RBFOX1: variants seen among roughly 807,000 people sequenced by gnomAD.
RBFOX1 encodes the protein RNA binding fox-1 homolog 1, also known as RNA binding protein fox-1 homolog 1.
Under a neutral mutation model 57.7 loss-of-function variants are expected in RBFOX1, and 8 were observed. The ratio of observed to expected loss-of-function variants is 0.14; its 90% CI spans 0.08 to 0.25. RBFOX1 has a LOEUF of 0.25. Among genes scored for constraint, RBFOX1 ranks in the 10% least tolerant of loss-of-function variants. RBFOX1 has a pLI of 1.00. For missense variants in RBFOX1, 611 were observed against 548.5 expected (o/e 1.11, Z -1.14); for synonymous variants, 326 against 222.4 (o/e 1.47, Z -4.15).
At chr16:5,424,123 A>G (rs1261565074) in intron 1 of RBFOX1, among the ~76,000 whole-genome samples, 1 of 152,218 alleles carries the variant, frequency 6.6e-6, no homozygotes, top group Non-Finnish European at 1.5e-5. Context: ...CTATTCAATC[A>G]GTAATCCCTC....
intron 2 of RBFOX1, among the ~76,000 whole-genome samples, chr16:6,365,624 G>A (rs1447504448): frequency 1.3e-5 from 2 of 152,202 alleles, no homozygotes; most frequent in African/African-American, 2.4e-5. Flanking sequence ...AAGACCATAA[G>A]GATGAGACCA....
chr16:5,921,845 G>A (rs866837483), intron 4 of RBFOX1, among the ~76,000 whole-genome samples: 1 of 151,910 alleles, frequency 6.6e-6, no homozygotes, highest in South Asian at 2.1e-4. Flanking sequence ...AGGGGGAGGA[G>A]CCAGGCTCTT....
At chr16:7,397,353 A>C (rs2098158613) in intron 4 of RBFOX1, among the ~76,000 whole-genome samples, 1 of 152,200 alleles carries the variant, frequency 6.6e-6, no homozygotes, top group Non-Finnish European at 1.5e-5. Context: ...AGGACCACTT[A>C]TCTGCAGACT....
At chr16:6,597,723 C>T (rs1038027481) in intron 2 of RBFOX1, among the ~76,000 whole-genome samples, 2 of 152,036 alleles carry the variant, frequency 1.3e-5, no homozygotes, top group African/African-American at 4.8e-5. Context: ...GCTGCTGAAA[C>T]ATCAGAAAGA....
intron 2 of RBFOX1, among the ~76,000 whole-genome samples, chr16:5,515,541 A>G (rs74004362): frequency 0.013 from 1,988 of 152,352 alleles, 53 homozygotes; most frequent in African/African-American, 0.046. Context: ...TTTGCAAAAC[A>G]GAGGCTGTTT....
At chr16:7,251,327 G>A (rs916227608) in intron 4 of RBFOX1, among the ~76,000 whole-genome samples, 2 of 151,556 alleles carry the variant, frequency 1.3e-5, no homozygotes, top group South Asian at 2.1e-4. Flanking sequence ...TTCATCCACA[G>A]TGTTGCAGTT....
chr16:6,403,930 G>A (rs2093177200), intron 2 of RBFOX1, among the ~76,000 whole-genome samples: 1 of 152,168 alleles, frequency 6.6e-6, no homozygotes, highest in South Asian at 2.1e-4. Context: ...AAGAGACACA[G>A]TAGGAAGGTG....
rs200423689 is a variant in RBFOX1 at position 6,735,252 on chromosome 16, G to C, written c.-16+80602G>C. On this transcript the variant is annotated intron_variant, in intron 3 of 15. Coordinates refer to ENST00000550418, the MANE Select transcript of RBFOX1 (RefSeq NM_018723.4). ...GATTTAATAGAAAGGGTATGGTTTG[G>C]GAGTTAAGTACACTTGCCTCCTACC... Among the ~76,000 whole-genome samples, 18 of 152,238 alleles carry C rather than the reference G, an allele frequency of 1.2e-4. 1 individual carries two copies. In the East Asian group the frequency reaches 3.3e-3, roughly 28 times the overall value.
At chr16:5,398,949 G>T (rs930499347) in intron 1 of RBFOX1, among the ~76,000 whole-genome samples, 2 of 152,194 alleles carry the variant, frequency 1.3e-5, no homozygotes, top group Non-Finnish European at 2.9e-5. Flanking sequence ...ATTGGTGTCT[G>T]ACTTTGCACT....
intron 4 of RBFOX1, among the ~76,000 whole-genome samples, chr16:7,066,497 G>C (rs533659703): frequency 6.6e-6 from 1 of 152,322 alleles, no homozygotes; most frequent in South Asian, 2.1e-4. Flanking sequence ...CCCCTGGTTA[G>C]TTAGAAATTT....
At chr16:5,900,606 C>G (rs1282890259) in intron 4 of RBFOX1, among the ~76,000 whole-genome samples, 1 of 152,182 alleles carries the variant, frequency 6.6e-6, no homozygotes, top group Non-Finnish European at 1.5e-5. Context: ...CATCCGTATT[C>G]TTCCCAGGCC....
intron 4 of RBFOX1, among the ~76,000 whole-genome samples, chr16:5,922,795 A>C (rs1597805458): frequency 6.6e-6 from 1 of 152,356 alleles, no homozygotes; most frequent in South Asian, 2.1e-4. Flanking sequence ...TTCAGGGGCT[A>C]ACGCTCTCCA....
rs1399931814 is a variant in RBFOX1, at chr16:6,940,174, A to AGAGT, written c.-15-111879_-15-111876dup. Among the ~76,000 whole-genome samples, 4 of 151,528 alleles carry AGAGT rather than the reference A, an allele frequency of 2.6e-5. No individual in the cohort carries two copies. The East Asian group carries it at 7.9e-4, about 30-fold the overall frequency. Reference sequence around the variant, plus strand: ...GCTGCTCCACTCCAGTCTGGGCAACAGAGTGAGACTCCATCTCAAAAATAA... The same window carrying AGAGT: ...GCTGCTCCACTCCAGTCTGGGCAACAGAGTGAGTGAGACTCCATCTCAAAAATAA... On this transcript the variant is annotated intron_variant, in intron 3 of 15. Coordinates refer to ENST00000550418, the MANE Select transcript of RBFOX1 (RefSeq NM_018723.4).
intron 3 of RBFOX1, among the ~76,000 whole-genome samples, chr16:6,898,589 G>A (rs776388642): frequency 3.3e-5 from 5 of 152,128 alleles, no homozygotes; most frequent in Non-Finnish European, 1.5e-5. Context: ...TCTCATGTCC[G>A]TGGGAGTAAC....
At chr16:5,690,821 G>A (rs1422819394) in intron 3 of RBFOX1, among the ~76,000 whole-genome samples, 9 of 152,168 alleles carry the variant, frequency 5.9e-5, no homozygotes, top group Admixed American at 5.9e-4. Context: ...GTTTCCTGAT[G>A]AGTACAGAGT....
At chr16:6,422,020 A>G (rs2093788120) in intron 2 of RBFOX1, among the ~76,000 whole-genome samples, 1 of 144,786 alleles carries the variant, frequency 6.9e-6, no homozygotes, top group Admixed American at 7.3e-5. Flanking sequence ...TCCAGGATTC[A>G]GGCAATTCTC....
chr16:6,747,353 G>C (rs1056234229), intron 3 of RBFOX1, among the ~76,000 whole-genome samples: 1 of 152,026 alleles, frequency 6.6e-6, no homozygotes, highest in Non-Finnish European at 1.5e-5. Flanking sequence ...ATTGTAGTGA[G>C]CCAAGATGGC....
intron 5 of RBFOX1, among the ~76,000 whole-genome samples, chr16:7,551,101 A>G (rs533063785): frequency 5.9e-5 from 9 of 151,590 alleles, no homozygotes; most frequent in South Asian, 4.2e-4. Context: ...AAAAAAAAAA[A>G]AAAAGAAAAA....
intron 4 of RBFOX1, among the ~76,000 whole-genome samples, chr16:7,314,919 G>A (rs934957393): frequency 3.9e-5 from 6 of 152,166 alleles, no homozygotes; most frequent in Admixed American, 1.3e-4. Context: ...TTTATTTTCC[G>A]GATTGGGAAT....
Sources: allele counts gnomAD v4.1 joint callset (sites outside exome capture counted in the v4.1 genomes callset), GRCh38; gene constraint gnomAD v4.1.1; transcripts MANE v1.5; gene names NCBI Gene and HGNC (gene_info 2026-07-23, HGNC 2026-07-21).